The following MAMDC2 variants were observed in gnomAD, a reference collection of about 807,000 sequenced individuals.
The protein encoded by MAMDC2 is MAM domain-containing protein 2.
In MAMDC2, 57 loss-of-function variants were observed where a neutral mutation model predicts 89.8. The ratio of observed to expected loss-of-function variants is 0.63; its 90% CI spans 0.51 to 0.79. MAMDC2 has a LOEUF of 0.79. Ranked by LOEUF, MAMDC2 falls within the 30% of genes least tolerant of loss-of-function variation. MAMDC2 has a pLI of 0.00. For missense variants in MAMDC2, 800 were observed against 820.6 expected, an observed-to-expected ratio of 0.97 and a Z score of 0.31; for synonymous variants, 313 against 293.4, an observed-to-expected ratio of 1.07 and a Z score of -0.68.
intron 4 of MAMDC2, among the ~76,000 whole-genome samples, chr9:70,111,928 A>G (rs1484269992): frequency 6.6e-6 from 1 of 152,222 alleles, no homozygotes; most frequent in Non-Finnish European, 1.5e-5. Flanking sequence ...CAGTACCTGT[A>G]AACAATAGCT....
intron 7 of MAMDC2, among the ~76,000 whole-genome samples, chr9:70,134,317 G>A (rs888473603): frequency 1.4e-4 from 18 of 132,726 alleles, no homozygotes; most frequent in Admixed American, 1.3e-3. Context: ...CCAGAGGACC[G>A]TGAGACCATC....
chr9:70,182,687 G>C (rs2032669982), intron 11 of MAMDC2, among the ~76,000 whole-genome samples: 1 of 151,992 alleles, frequency 6.6e-6, no homozygotes, highest in African/African-American at 2.4e-5. Context: ...TATTTCTGTA[G>C]GATCAGTTGT....
intron 2 of MAMDC2, among the ~76,000 whole-genome samples, chr9:70,047,314 G>C (rs1826776910): frequency 6.6e-6 from 1 of 151,808 alleles, no homozygotes; most frequent in Admixed American, 6.6e-5. Flanking sequence ...TTTAAGCCCC[G>C]CATGCTTTAG....
chr9:70,144,846 C>G (rs149627413), intron 9 of MAMDC2, among the ~76,000 whole-genome samples: 1 of 152,316 alleles, frequency 6.6e-6, no homozygotes, highest in East Asian at 1.9e-4. Context: ...AGAATCATAG[C>G]TGTGTCCATC....
Position 70,044,338 on chromosome 9 carries a change from G to A in MAMDC2, c.34+107G>A, listed in dbSNP as rs992197803. The A allele has an allele frequency of 2.0e-4, 260 of 1,277,302 alleles. 1 individual carries two copies. The highest frequency in any genetic ancestry group is 2.7e-4 in the Non-Finnish European group (243 of 911,486). 79.1% of individuals were successfully genotyped at this position (1,277,302 alleles called of 1,614,324 possible). On this transcript the variant is annotated intron_variant, in intron 1 of 13. Transcript: ENST00000377182. ...CCGTGCTGGGCTGGGCCATCCGAGG[G>A]CGCCTCCTGATCCTCCGCAGCCGCT...
chr9:70,045,548 G>A (rs1030158140), intron 2 of MAMDC2, among the ~76,000 whole-genome samples: 2 of 152,048 alleles, frequency 1.3e-5, no homozygotes, highest in Non-Finnish European at 2.9e-5. Context: ...TGGTACCCTA[G>A]ATGAAACCAG....
intron 2 of MAMDC2, among the ~76,000 whole-genome samples, chr9:70,048,037 C>A (rs1826798974): frequency 6.7e-6 from 1 of 149,530 alleles, no homozygotes; most frequent in African/African-American, 2.5e-5. Flanking sequence ...ATGGCAGTTT[C>A]CCCCAGGGAA....
At chr9:70,075,354 A>G (rs1827508649) in intron 2 of MAMDC2, among the ~76,000 whole-genome samples, 2 of 152,200 alleles carry the variant, frequency 1.3e-5, no homozygotes. Context: ...AACATTGGTC[A>G]TGAAATCACC....
intron 11 of MAMDC2, among the ~76,000 whole-genome samples, chr9:70,199,383 T>A (rs2033049056): frequency 6.8e-6 from 1 of 147,430 alleles, no homozygotes; most frequent in Non-Finnish European, 1.5e-5. Context: ...CATGAACTCA[T>A]CATTTTTTAT....
chr9:70,083,253 G>A (rs1827694322), intron 2 of MAMDC2, among the ~76,000 whole-genome samples: 1 of 152,114 alleles, frequency 6.6e-6, no homozygotes, highest in Admixed American at 6.5e-5. Flanking sequence ...TTGTACCACT[G>A]ATGTTTAGCA....
intron 2 of MAMDC2, among the ~76,000 whole-genome samples, chr9:70,104,405 A>G (rs1828278290): frequency 2.0e-5 from 3 of 152,246 alleles, no homozygotes; most frequent in Non-Finnish European, 4.4e-5. Context: ...AAAGTTAAAC[A>G]TAGAATTTCC....
At chr9:70,133,943 A>G (rs189447700) in intron 7 of MAMDC2, among the ~76,000 whole-genome samples, 17 of 152,306 alleles carry the variant, frequency 1.1e-4, no homozygotes, top group Middle Eastern at 6.8e-3. Flanking sequence ...TCTTTCATTG[A>G]GCAGCTGTGG....
chr9:70,078,884 G>T (rs568445251), intron 2 of MAMDC2, among the ~76,000 whole-genome samples: 1 of 152,002 alleles, frequency 6.6e-6, no homozygotes, highest in African/African-American at 2.4e-5. Flanking sequence ...CCCAGGCCTC[G>T]CACACTCAGA....
At chr9:70,167,743 T>A (rs1450894810) in intron 9 of MAMDC2, among the ~76,000 whole-genome samples, 2 of 152,248 alleles carry the variant, frequency 1.3e-5, no homozygotes, top group Non-Finnish European at 2.9e-5. Context: ...TGTCTTTCTC[T>A]GGAACAGTAG....
At chr9:70,070,712 TG>T (rs1827383422) in intron 2 of MAMDC2, among the ~76,000 whole-genome samples, 1 of 152,186 alleles carries the variant, frequency 6.6e-6, no homozygotes, top group Admixed American at 6.5e-5. Flanking sequence ...CAGTCTATTT[TG>T]GGTCCATCTT....
intron 11 of MAMDC2, among the ~76,000 whole-genome samples, chr9:70,208,433 T>C (rs2033276722): frequency 6.6e-6 from 1 of 152,162 alleles, no homozygotes; most frequent in South Asian, 2.1e-4. Context: ...GGCTCTCTGT[T>C]TGTCTGGTAT....
intron 2 of MAMDC2, among the ~76,000 whole-genome samples, chr9:70,094,337 C>T (rs1827974532): frequency 1.3e-5 from 2 of 152,194 alleles, no homozygotes; most frequent in Admixed American, 1.3e-4. Context: ...CTATAGCTCT[C>T]TTTAATCTAG....
intron 11 of MAMDC2, among the ~76,000 whole-genome samples, chr9:70,188,115 T>C (rs182507733): frequency 1.3e-5 from 2 of 152,326 alleles, no homozygotes; most frequent in East Asian, 1.9e-4. Context: ...TTGTCTGATA[T>C]TATTGTAGCC....
chr9:70,181,953 C>G lies in MAMDC2; in HGVS notation c.1651+11322C>G, dbSNP rs1587549929. Reference sequence around the variant, plus strand: ...TTGCCAGTTTTCAAAGGGAATGCTTCCAGCTTTTCCCCATTCGGTATGATA... The same window carrying G: ...TTGCCAGTTTTCAAAGGGAATGCTTGCAGCTTTTCCCCATTCGGTATGATA... On this transcript the variant is annotated intron_variant, in intron 11 of 13. Transcript: ENST00000377182. Among the ~76,000 whole-genome samples the G allele has an allele frequency of 3.3e-5, 5 of 152,262 alleles. No individual in the cohort carries two copies. In the South Asian group the frequency reaches 8.3e-4, roughly 25 times the overall value.
Sources: allele counts gnomAD v4.1 joint callset (sites outside exome capture counted in the v4.1 genomes callset), GRCh38; gene constraint gnomAD v4.1.1; transcripts MANE v1.5; gene names NCBI Gene and HGNC (gene_info 2026-07-23, HGNC 2026-07-21).